The following DPP10 variants were observed in gnomAD, a reference collection of about 807,000 sequenced individuals.
DPP10 encodes the protein inactive dipeptidyl peptidase 10.
A neutral mutation model predicts 120.9 loss-of-function variants in DPP10; 33 were observed. The observed-to-expected ratio is 0.27, with a 90% CI of 0.21 to 0.37. The LOEUF (loss-of-function observed/expected upper bound fraction) is 0.37, where lower values mean the gene tolerates loss of function less well. DPP10 is among the 10% of genes least tolerant of loss of function. DPP10 has a pLI of 1.00. For missense variants in DPP10, 816 were observed against 942.8 expected (o/e 0.87, Z 1.76); for synonymous variants, 337 against 326.1 (o/e 1.03, Z -0.36).
intron 7 of DPP10, among the ~76,000 whole-genome samples, chr2:115,693,534 G>C (rs2091430721): frequency 6.6e-6 from 1 of 152,048 alleles, no homozygotes; most frequent in African/African-American, 2.4e-5. Context: ...TTACACTTTG[G>C]TTGGTTTTAA....
intron 3 of DPP10, among the ~76,000 whole-genome samples, chr2:115,411,069 C>A (rs944767710): frequency 2.0e-5 from 3 of 152,072 alleles, no homozygotes; most frequent in South Asian, 2.1e-4. Flanking sequence ...GTAGCTCATG[C>A]CTGTAATCCC....
chr2:114,820,661 G>T (rs1287271376), intron 1 of DPP10, among the ~76,000 whole-genome samples: 1 of 152,146 alleles, frequency 6.6e-6, no homozygotes. Flanking sequence ...TGAGGGGAAG[G>T]GGAAGCCCTC....
chr2:115,802,027 C>T (rs1451540732), intron 19 of DPP10, among the ~76,000 whole-genome samples: 3 of 152,088 alleles, frequency 2.0e-5, no homozygotes, highest in Admixed American at 6.6e-5. Context: ...CCTCCTTGTA[C>T]CTCTGGTAGA....
chr2:115,188,436 C>T (rs1044969714), intron 1 of DPP10, among the ~76,000 whole-genome samples: 7 of 151,954 alleles, frequency 4.6e-5, no homozygotes, highest in South Asian at 2.1e-4. Flanking sequence ...TAAATTTTCA[C>T]GGAAATTAAC....
intron 1 of DPP10, among the ~76,000 whole-genome samples, chr2:115,286,526 A>ATATCTATATATAT (rs10675008): frequency 1.6e-5 from 1 of 60,946 alleles, no homozygotes; most frequent in Non-Finnish European, 3.3e-5. Context: ...ATATATATAT[A>ATATCTATATATAT]ATATATATAT....
intron 19 of DPP10, among the ~76,000 whole-genome samples, chr2:115,800,728 C>T (rs1446514100): frequency 6.6e-6 from 1 of 152,076 alleles, no homozygotes; most frequent in Non-Finnish European, 1.5e-5. Flanking sequence ...TCAGGTTTGT[C>T]AAAGATCAGA....
At position 114,905,579 on chromosome 2, in the gene DPP10, G is replaced by T. The variant is rs185653284; in HGVS notation, c.61-403660G>T. ...TTATACAGATTATTTCATCACCCAG[G>T]TTTTTAGCCTAGTACCCTTTAGTCA... is the stretch of plus-strand genomic sequence containing the variant. On this transcript the variant is annotated intron_variant, in intron 1 of 25. Transcript: ENST00000410059. Among the ~76,000 whole-genome samples, 883 of 152,192 alleles carry T rather than the reference G, an allele frequency of 5.8e-3. 18 individuals are homozygous for T. The highest frequency in any genetic ancestry group is 3.7e-3 in the Non-Finnish European group (249 of 67,984).
At chr2:115,689,541 T>C in intron 5 of DPP10, 146 bp from the exon 6 acceptor site, 1 of 618,162 alleles carries the variant, frequency 1.6e-6, no homozygotes, top group South Asian at 2.2e-5. Flanking sequence ...ACAGAGAGGG[T>C]GATAAACTTC....
intron 1 of DPP10, among the ~76,000 whole-genome samples, chr2:114,904,178 A>G (rs1051553131): frequency 7.2e-5 from 11 of 152,196 alleles, no homozygotes; most frequent in Non-Finnish European, 1.6e-4. Flanking sequence ...AAAAGAGGAG[A>G]GCTGGAGAGA....
At chr2:115,424,407 C>A (rs962105009) in intron 3 of DPP10, among the ~76,000 whole-genome samples, 6 of 151,490 alleles carry the variant, frequency 4.0e-5, no homozygotes, top group African/African-American at 1.5e-4. Flanking sequence ...TTATTATTTT[C>A]TAAAATGTTA....
chr2:115,330,311 T>G (rs2062638192), intron 2 of DPP10, among the ~76,000 whole-genome samples: 1 of 152,094 alleles, frequency 6.6e-6, no homozygotes, highest in Admixed American at 6.6e-5. Context: ...TTTGTTTGAG[T>G]TCATTGTAGA....
chr2:115,676,913 G>C (rs1345701764), intron 5 of DPP10, among the ~76,000 whole-genome samples: 1 of 152,108 alleles, frequency 6.6e-6, no homozygotes, highest in African/African-American at 2.4e-5. Context: ...GATAAAGAGA[G>C]ACTTCTAAAA....
intron 1 of DPP10, among the ~76,000 whole-genome samples, chr2:114,449,706 C>G (rs536314652): frequency 6.1e-4 from 92 of 151,954 alleles, no homozygotes; most frequent in Non-Finnish European, 1.2e-3. Context: ...AATTATCTGC[C>G]CAAACAAAAA....
intron 2 of DPP10, among the ~76,000 whole-genome samples, chr2:115,321,143 T>C (rs1367627462): frequency 6.6e-6 from 1 of 152,022 alleles, no homozygotes; most frequent in Admixed American, 6.6e-5. Context: ...CTGCTAAAAA[T>C]ACAAAAAATT....
chr2:115,077,872 T>C (rs1272800452), intron 1 of DPP10, among the ~76,000 whole-genome samples: 1 of 152,172 alleles, frequency 6.6e-6, no homozygotes, highest in African/African-American at 2.4e-5. Context: ...CTGGCAGAGG[T>C]TTAATGTTCT....
At chr2:115,482,286 T>G (rs2075484267) in intron 3 of DPP10, among the ~76,000 whole-genome samples, 1 of 142,442 alleles carries the variant, frequency 7.0e-6, no homozygotes, top group Admixed American at 7.3e-5. Flanking sequence ...TGTTATAAGA[T>G]TATATATATA....
intron 1 of DPP10, among the ~76,000 whole-genome samples, chr2:114,968,314 C>T (rs746898126): frequency 2.0e-5 from 3 of 152,186 alleles, no homozygotes; most frequent in Non-Finnish European, 4.4e-5. Context: ...TCTCATTCCT[C>T]TTGGTCAGCT....
At chr2:115,184,999 G>C (rs2054333235) in intron 1 of DPP10, among the ~76,000 whole-genome samples, 1 of 152,150 alleles carries the variant, frequency 6.6e-6, no homozygotes, top group African/African-American at 2.4e-5. Flanking sequence ...GTCCTTTGTT[G>C]TTATGTTAAT....
chr2:115,802,261 T>G (rs572907507), intron 19 of DPP10, among the ~76,000 whole-genome samples: 1 of 152,338 alleles, frequency 6.6e-6, no homozygotes, highest in East Asian at 1.9e-4. Flanking sequence ...TTTGTATTTC[T>G]GTGGGATCAG....
Sources: allele counts gnomAD v4.1 joint callset (sites outside exome capture counted in the v4.1 genomes callset), GRCh38; gene constraint gnomAD v4.1.1; transcripts MANE v1.5; gene names NCBI Gene and HGNC (gene_info 2026-07-23, HGNC 2026-07-21).